The following LAMA3 variants were observed in gnomAD, a reference collection of about 807,000 sequenced individuals.
LAMA3 encodes the protein laminin subunit alpha 3, also known as laminin subunit alpha-3.
In LAMA3, 281 loss-of-function variants were observed where a neutral mutation model predicts 402.0. The ratio of observed to expected loss-of-function variants is 0.70; its 90% CI spans 0.63 to 0.77. The LOEUF is 0.77. Among genes scored for constraint, LAMA3 ranks in the 30% least tolerant of loss-of-function variants. LAMA3 has a pLI of 0.00. For synonymous variants in LAMA3, 1,431 were observed against 1,558.4 expected (o/e 0.92, Z 1.93); for missense variants, 3,840 against 4,215.5 (o/e 0.91, Z 2.47).
At chr18:23,747,900 C>G in intron 2 of LAMA3, 43 bp from the exon 3 acceptor site, 1 of 1,099,754 alleles carries the variant, frequency 9.1e-7, no homozygotes, top group Non-Finnish European at 1.4e-6. Context: ...AGCTGTGAAT[C>G]GATGAGATGA....
intron 2 of LAMA3, among the ~76,000 whole-genome samples, chr18:23,718,769 C>T (rs1365845103): frequency 6.6e-6 from 1 of 152,226 alleles, no homozygotes; most frequent in Non-Finnish European, 1.5e-5. Flanking sequence ...GTTCCCACAC[C>T]TGTTCCCTTG....
At chr18:23,877,893 C>T (rs780190385) in intron 39 of LAMA3, among the ~76,000 whole-genome samples, 26 of 152,082 alleles carry the variant, frequency 1.7e-4, no homozygotes, top group Admixed American at 5.2e-4. Flanking sequence ...AGGTGAATCA[C>T]GAGGTCAGGA....
chr18:23,811,667 A>G (rs1255894887), intron 13 of LAMA3, among the ~76,000 whole-genome samples: 1 of 152,076 alleles, frequency 6.6e-6, no homozygotes, highest in Non-Finnish European at 1.5e-5. Context: ...CATGGAAAAC[A>G]AACAGCTGGA....
Position 23,845,123 on chromosome 18 carries a change from G to C in LAMA3, c.3718G>C (p.Asp1240His). The change falls in exon 30 of 75, where the codon GAC (aspartate) becomes CAC (histidine). Residue 1240 changes from aspartate (D) to histidine (H), a missense_variant and splice_region_variant. Physicochemically the swap from Asp to His is moderately conservative, Grantham distance 81. Around this residue, in one of 3 missense-constraint regions of LAMA3, gnomAD observed 2,109 missense variants for 2,376.0 expected, o/e 0.89. Transcript: ENST00000313654. ...TNCGKNSFYLDPQTASRFCKN... is the reference protein window; with the variant it reads ...TNCGKNSFYLHPQTASRFCKN... ...TTGTGGAAAAAACAGCTTTTACCTTGAGTGAGTATCACTTTGTGGGAAGGC... is the reference window on the plus strand; with the variant it reads ...TTGTGGAAAAAACAGCTTTTACCTTCAGTGAGTATCACTTTGTGGGAAGGC... 1 of 1,538,506 alleles carries C rather than the reference G, an allele frequency of 6.5e-7. No individual in the cohort carries two copies. Among genetic ancestry groups the C allele is most frequent in the South Asian group, 1.1e-5 (1 of 89,448 alleles).
intron 2 of LAMA3, among the ~76,000 whole-genome samples, chr18:23,739,088 C>T (rs1262980732): frequency 1.3e-5 from 2 of 152,182 alleles, no homozygotes; most frequent in African/African-American, 4.8e-5. Flanking sequence ...CCCAAGCACC[C>T]AGAGAGTGGC....
intron 2 of LAMA3, among the ~76,000 whole-genome samples, chr18:23,726,984 A>G (rs1196004195): frequency 1.3e-5 from 2 of 152,112 alleles, no homozygotes; most frequent in South Asian, 2.1e-4. Flanking sequence ...TAGATTCTGG[A>G]TATTAGTCCC....
At chr18:23,776,336 A>G (rs892334988) in intron 10 of LAMA3, among the ~76,000 whole-genome samples, 2 of 152,160 alleles carry the variant, frequency 1.3e-5, no homozygotes, top group African/African-American at 4.8e-5. Flanking sequence ...ACAAGAGGCC[A>G]AGTTATAAGC....
In LAMA3 at chr18:23,879,605, A is replaced by G. The variant is rs1046146769; in HGVS notation, c.5113-2331A>G. Among the ~76,000 whole-genome samples, 1 of 152,230 alleles carries G rather than the reference A, an allele frequency of 6.6e-6. No homozygotes were observed. Among genetic ancestry groups the G allele is most frequent in the African/African-American group, 2.4e-5 (1 of 41,448 alleles). ...ATGCCTAATAGATATTTGGTGACAAATGGAGCTAGGAGAGCACGTGCCATG... is the reference window on the plus strand; with the variant it reads ...ATGCCTAATAGATATTTGGTGACAAGTGGAGCTAGGAGAGCACGTGCCATG... On this transcript the variant is annotated intron_variant, in intron 39 of 74. Coordinates refer to ENST00000313654, the MANE Select transcript of LAMA3 (RefSeq NM_198129.4). This position sits in a 1 kb window ranked among gnomAD's most constrained non-coding sequence, Gnocchi z 4.2.
chr18:23,829,176 T>C (rs899972561), intron 23 of LAMA3, among the ~76,000 whole-genome samples: 1 of 152,212 alleles, frequency 6.6e-6, no homozygotes, highest in Non-Finnish European at 1.5e-5. Flanking sequence ...TTAGGTTAGG[T>C]TTGCCACCAA....
intron 8 of LAMA3, among the ~76,000 whole-genome samples, chr18:23,770,636 C>T (rs979521613): frequency 6.6e-6 from 1 of 152,120 alleles, no homozygotes; most frequent in Admixed American, 6.5e-5. Context: ...TGGCGGGCGC[C>T]TGTAGTCCCA....
chr18:23,909,498 A>G (rs774798577), intron 55 of LAMA3, among the ~76,000 whole-genome samples: 1 of 152,214 alleles, frequency 6.6e-6, no homozygotes, highest in East Asian at 1.9e-4. Context: ...ATTATCTGGT[A>G]TATCAGGATC....
In LAMA3 at chr18:23,933,891, G is replaced by A. The variant is rs2082238090; in HGVS notation, c.8818G>A (p.Gly2940Ser). Residue 2940 changes from glycine to serine, a missense_variant, in exon 67 of 75, where the codon GGT (glycine) becomes AGT (serine). Transcript: ENST00000313654. ...ACCACCTTTTCTAATGTTGCTTAAA[G>A]GTTCTACCAGGTTTAACAAGACCAA... ...NKPPFLMLLK[G>S]STRFNKTKTF... The A allele has an allele frequency of 6.2e-7, 1 of 1,614,150 alleles. No homozygotes were observed. The highest frequency in any genetic ancestry group is 8.5e-7 in the Non-Finnish European group (1 of 1,180,010).
intron 55 of LAMA3, among the ~76,000 whole-genome samples, chr18:23,909,981 A>AATCTG (rs1387190509): frequency 1.3e-5 from 2 of 152,196 alleles, no homozygotes; most frequent in African/African-American, 4.8e-5. Flanking sequence ...TGAGCCTCAG[A>AATCTG]ATCTGCCCTT....
At chr18:23,855,956 T>C (rs1165442413) in intron 32 of LAMA3, among the ~76,000 whole-genome samples, 1 of 152,184 alleles carries the variant, frequency 6.6e-6, no homozygotes, top group African/African-American at 2.4e-5. Context: ...CACCGTCTCC[T>C]CCCCTTAGCC....
chr18:23,946,506 G>A, intron 70 of LAMA3: 1 of 575,586 alleles, frequency 1.7e-6, no homozygotes, highest in East Asian at 3.1e-5. Context: ...CCCTGAAAGG[G>A]TGAAGATAGA....
chr18:23,892,889 G>T (rs2080728996), intron 42 of LAMA3, among the ~76,000 whole-genome samples: 1 of 136,844 alleles, frequency 7.3e-6, no homozygotes, highest in Admixed American at 7.4e-5. Flanking sequence ...GGTGACAAGA[G>T]CGAAACTCTG....
At chr18:23,784,713 T>C (rs1350241869) in intron 12 of LAMA3, among the ~76,000 whole-genome samples, 2 of 152,048 alleles carry the variant, frequency 1.3e-5, no homozygotes, top group Admixed American at 6.5e-5. Flanking sequence ...AAGTGTCTGG[T>C]CCGGTCCCTA....
intron 62 of LAMA3, 93 bp downstream of exon 62, chr18:23,921,678 CAACA>C: frequency 8.0e-7 from 1 of 1,245,886 alleles, no homozygotes; most frequent in Non-Finnish European, 1.2e-6. Context: ...TTAATTCCAC[CAACA>C]AACAAACACA....
intron 36 of LAMA3, 49 bp downstream of exon 36, chr18:23,864,932 G>T: frequency 8.7e-7 from 1 of 1,155,518 alleles, no homozygotes; most frequent in South Asian, 1.2e-5. Flanking sequence ...AGTTGCAGTT[G>T]GTGCTGATCT....
Sources: allele counts gnomAD v4.1 joint callset (sites outside exome capture counted in the v4.1 genomes callset), GRCh38; gene constraint gnomAD v4.1.1; regional missense constraint gnomAD v4.1.1; non-coding constraint Gnocchi (gnomAD v3.1); transcripts MANE v1.5; gene names NCBI Gene and HGNC (gene_info 2026-07-23, HGNC 2026-07-21).